TMEM192: variants seen among roughly 807,000 people sequenced by gnomAD.
The protein encoded by TMEM192 is transmembrane protein 192.
Under a neutral mutation model 26.7 loss-of-function variants are expected in TMEM192, and 20 were observed. That is an observed-to-expected ratio of 0.75 (90% CI 0.53 to 1.09). The LOEUF is 1.09. Ranked by LOEUF, TMEM192 falls within the 50% of genes least tolerant of loss-of-function variation. The pLI is 0.00. For synonymous variants in TMEM192, 124 were observed against 121.0 expected, an observed-to-expected ratio of 1.02 and a Z score of -0.16; for missense variants, 304 against 322.6, an observed-to-expected ratio of 0.94 and a Z score of 0.44.
chr4:165,103,250 ATTAAT>A (rs1249132556), intron 1 of TMEM192, among the ~76,000 whole-genome samples, 154 bp from the exon 2 acceptor site: 7 of 152,040 alleles, frequency 4.6e-5, no homozygotes, highest in Admixed American at 1.3e-4. Flanking sequence ...AAAATTAATT[ATTAAT>A]TTAATTTAAT....
rs1734359543 is a variant in TMEM192 at position 165,075,609 on chromosome 4, G to C, written c.*4049C>G. ...TTTTTGAGATGGAGCCTGCTCTGTG[G>C]CCCAGGCTAGAGTACAGTGGCGTGA... On this transcript the variant is annotated 3_prime_UTR_variant, in exon 6 of 6. Coordinates refer to ENST00000306480, the MANE Select transcript of TMEM192 (RefSeq NM_001100389.2). 6.7e-6 allele frequency: 1 copy of C among 148,348 alleles called. No homozygotes were observed. The highest frequency in any genetic ancestry group is 2.5e-5 in the African/African-American group (1 of 40,122). The allele number at this position is 148,348 out of a possible 1,614,324, so 9.2% of individuals were successfully genotyped here. A position where few individuals can be genotyped will look rare whatever the true frequency, so the allele number is the denominator to read the frequency against.
At chr4:165,108,142 A>G (rs1287580206) in intron 1 of TMEM192, among the ~76,000 whole-genome samples, 23 of 63,222 alleles carry the variant, frequency 3.6e-4, no homozygotes, top group South Asian at 5.0e-4. Context: ...TTTTTTTTGG[A>G]GATGTAGTCT....
intron 3 of TMEM192, among the ~76,000 whole-genome samples, chr4:165,099,720 G>T (rs1734994020): frequency 6.6e-6 from 1 of 152,108 alleles, no homozygotes; most frequent in African/African-American, 2.4e-5. Context: ...AGGCAGGAGG[G>T]TTGTTTGAGG....
In TMEM192 at chr4:165,075,576, T is replaced by A. The variant is rs1302819083; in HGVS notation, c.*4082A>T. ...GCCGAAATACAAAATTTTTAGTATT[T>A]TTTTTTTTTTTTGAGATGGAGCCTG... On this transcript the variant is annotated 3_prime_UTR_variant, in exon 6 of 6. Coordinates refer to ENST00000306480, the MANE Select transcript of TMEM192 (RefSeq NM_001100389.2). The A allele has an allele frequency of 2.0e-5, 3 of 150,496 alleles. No individual in the cohort carries two copies. The allele number at this position is 150,496 out of a possible 1,614,324, so 9.3% of individuals were successfully genotyped here.
chr4:165,106,810 C>T (rs1735171044), intron 1 of TMEM192, among the ~76,000 whole-genome samples: 2 of 152,154 alleles, frequency 1.3e-5, no homozygotes, highest in South Asian at 4.1e-4. Flanking sequence ...TCCCTTTCCC[C>T]AGCTTGCAGG....
At chr4:165,091,567 G>C (rs1734765153) in intron 3 of TMEM192, among the ~76,000 whole-genome samples, 1 of 152,138 alleles carries the variant, frequency 6.6e-6, no homozygotes, top group Non-Finnish European at 1.5e-5. Context: ...CAACATGTTA[G>C]AGCTCAGCAC....
intron 3 of TMEM192, among the ~76,000 whole-genome samples, chr4:165,096,411 TTA>T (rs1413080390): frequency 4.0e-5 from 6 of 149,194 alleles, no homozygotes; most frequent in Admixed American, 6.7e-5. Flanking sequence ...AAAAAAAAAA[TTA>T]TATATATATA....
chr4:165,091,066 C>A (rs1734750798), intron 3 of TMEM192, among the ~76,000 whole-genome samples: 1 of 151,752 alleles, frequency 6.6e-6, no homozygotes, highest in African/African-American at 2.4e-5. Flanking sequence ...GAGATTGAGA[C>A]CATCCTGGCT....
chr4:165,096,559 A>ATTT (rs1160233670), intron 3 of TMEM192, among the ~76,000 whole-genome samples: 2 of 151,808 alleles, frequency 1.3e-5, no homozygotes, highest in Non-Finnish European at 2.9e-5. Context: ...AACAAAATAT[A>ATTT]TCAGGCTGAA....
chr4:165,098,756 G>A (rs916210193), intron 3 of TMEM192, among the ~76,000 whole-genome samples: 6 of 151,666 alleles, frequency 4.0e-5, no homozygotes, highest in Non-Finnish European at 7.4e-5. Flanking sequence ...GGAGTGCAGC[G>A]GCATGACTTC....
intron 3 of TMEM192, among the ~76,000 whole-genome samples, chr4:165,098,601 C>CA (rs1359504979): frequency 1.3e-5 from 2 of 152,030 alleles, no homozygotes; most frequent in Admixed American, 1.3e-4. Flanking sequence ...CATGAGCCAC[C>CA]ATGCCCAGCC....
chr4:165,078,664 CT>C lies in TMEM192; in HGVS notation c.*993del, dbSNP rs1442869783. The stretch of plus-strand genomic sequence containing the variant: ...AATAAAGTGAAAGTTCTAAATTCTT[CT>C]CTGAATTTTTCAGCTATTGCTAATG... On this transcript the variant is annotated 3_prime_UTR_variant, in exon 6 of 6. Coordinates refer to ENST00000306480, the MANE Select transcript of TMEM192 (RefSeq NM_001100389.2). 6.6e-6 allele frequency: 1 copy of C among 152,242 alleles called. No individual in the cohort carries two copies. The highest frequency in any genetic ancestry group is 1.5e-5 in the Non-Finnish European group (1 of 68,042). The allele number at this position is 152,242 out of a possible 1,614,324, so 9.4% of individuals were successfully genotyped here. A position where few individuals can be genotyped will look rare whatever the true frequency, so the allele number is the denominator to read the frequency against.
chr4:165,096,401 A>C (rs1026014089), intron 3 of TMEM192, among the ~76,000 whole-genome samples: 1 of 149,458 alleles, frequency 6.7e-6, no homozygotes, highest in African/African-American at 2.5e-5. Flanking sequence ...CAAGACTCTC[A>C]AAAAAAAAAT....
chr4:165,107,667 C>T (rs1183793585), intron 1 of TMEM192, among the ~76,000 whole-genome samples: 1 of 152,090 alleles, frequency 6.6e-6, no homozygotes, highest in Non-Finnish European at 1.5e-5. Flanking sequence ...TCACCATTTC[C>T]CTCCCTCCTG....
chr4:165,112,129 G>T (rs548958477), intron 1 of TMEM192, among the ~76,000 whole-genome samples: 2 of 152,112 alleles, frequency 1.3e-5, no homozygotes, highest in South Asian at 2.1e-4. Flanking sequence ...ATCTATCAAA[G>T]ATTTAAAAAC....
In TMEM192 at chr4:165,076,387, T is replaced by C. The variant is rs573253615; in HGVS notation, c.*3271A>G. ...GCTTGAAATGCTTCAGAGGATCCCA[T>C]TATCAACAAGATAAAGTGCAGTCTT... is the stretch of plus-strand genomic sequence containing the variant. On this transcript the variant is annotated 3_prime_UTR_variant, in exon 6 of 6. Coordinates refer to ENST00000306480, the MANE Select transcript of TMEM192 (RefSeq NM_001100389.2). The C allele has an allele frequency of 2.6e-5, 4 of 152,322 alleles. No homozygotes were observed. The South Asian group carries it at 8.3e-4, about 32-fold the overall frequency. 9.4% of individuals were successfully genotyped at this position (152,322 alleles called of 1,614,324 possible).
intron 3 of TMEM192, among the ~76,000 whole-genome samples, chr4:165,094,204 T>C (rs1241635443): frequency 6.6e-6 from 1 of 151,982 alleles, no homozygotes; most frequent in African/African-American, 2.4e-5. Context: ...CCTGGCCTAA[T>C]TTTCGTATTT....
intron 1 of TMEM192, among the ~76,000 whole-genome samples, chr4:165,106,622 C>T (rs576219964): frequency 6.6e-6 from 1 of 152,346 alleles, no homozygotes; most frequent in African/African-American, 2.4e-5. Context: ...GCGTCAGATG[C>T]TTGCCTCCTT....
rs545689623 is a variant in TMEM192, at chr4:165,105,102, C to T, written c.28-2006G>A. On this transcript the variant is annotated intron_variant, in intron 1 of 5. Coordinates refer to ENST00000306480, the MANE Select transcript of TMEM192 (RefSeq NM_001100389.2). ...GTTTTTCAAAGCATTCTGTGCTTGC[C>T]TCTTCTATCAAACTATCCTGTGATG... Among the ~76,000 whole-genome samples, 5 of 152,264 alleles carry T rather than the reference C, an allele frequency of 3.3e-5. No homozygotes were observed. The East Asian group carries it at 7.7e-4, about 23-fold the overall frequency.
Sources: allele counts gnomAD v4.1 joint callset (sites outside exome capture counted in the v4.1 genomes callset), GRCh38; gene constraint gnomAD v4.1.1; transcripts MANE v1.5; gene names NCBI Gene and HGNC (gene_info 2026-07-23, HGNC 2026-07-21).